TTC9C: variants seen among roughly 807,000 people sequenced by gnomAD.
TTC9C encodes the protein tetratricopeptide repeat domain 9C.
A neutral mutation model predicts 22.5 loss-of-function variants in TTC9C; 15 were observed. The observed-to-expected ratio is 0.67, with a 90% confidence interval of 0.45 to 1.03. The LOEUF (loss-of-function observed/expected upper bound fraction) is 1.03. Ranked by LOEUF, TTC9C falls within the 50% of genes least tolerant of loss-of-function variation. The probability of loss-of-function intolerance (pLI) is 0.00; values close to 1 mark genes in which losing one functional copy is unlikely to be tolerated. For synonymous variants in TTC9C, 92 were observed against 86.8 expected, an observed-to-expected ratio of 1.06 and a Z score of -0.33; for missense variants, 244 against 214.6, an observed-to-expected ratio of 1.14 and a Z score of -0.86.
chr11:62,733,070 AT>A, intron 1 of TTC9C: 2 of 1,150,776 alleles, frequency 1.7e-6, no homozygotes, highest in South Asian at 2.6e-5. Flanking sequence ...CTGATTCTTG[AT>A]CTTTCTCAGC....
At chr11:62,733,387 T>G (rs796531546) in intron 1 of TTC9C, among the ~76,000 whole-genome samples, 9 of 152,272 alleles carry the variant, frequency 5.9e-5, no homozygotes, top group African/African-American at 2.2e-4. Context: ...TAAATGAAGA[T>G]AGTAACACCT....
At position 62,728,966 on chromosome 11, in the gene TTC9C, G is replaced by C; in HGVS notation, c.118G>C (p.Gly40Arg). The change falls in exon 1 of 3, where the codon GGT becomes CGT. Residue 40 changes from glycine (G) to arginine (R), a missense_variant. Coordinates refer to ENST00000316461, the MANE Select transcript of TTC9C (RefSeq NM_173810.4). ...CCATCGAGCTCTGCTTCAGCTGCGG[G>C]GTCTGGATCCGAGTCTGCCCTCTCC... ...RYHRALLQLR[G>R]LDPSLPSPLP... 1 of 1,614,106 alleles carries C rather than the reference G, an allele frequency of 6.2e-7. No individual in the cohort carries two copies. The highest frequency in any genetic ancestry group is 8.5e-7 in the Non-Finnish European group (1 of 1,180,024).
chr11:62,736,791 A>G (rs2083918289), intron 2 of TTC9C, among the ~76,000 whole-genome samples: 1 of 148,404 alleles, frequency 6.7e-6, no homozygotes. Context: ...CAGGAGGCAG[A>G]GGTTTCGGTG....
In TTC9C at chr11:62,728,795, G is replaced by A. The variant is rs755085679; in HGVS notation, c.-54G>A. The stretch of plus-strand genomic sequence containing the variant: ...GTCAGTTATTTTGCTCCCAACCCCA[G>A]AGCTTCACTTGCTCCTTCACTTCCC... On this transcript the variant is annotated 5_prime_UTR_variant, in exon 1 of 3. Coordinates refer to ENST00000316461, the MANE Select transcript of TTC9C (RefSeq NM_173810.4). The A allele has an allele frequency of 7.6e-6, 12 of 1,583,070 alleles. No homozygotes were observed. Among genetic ancestry groups the A allele is most frequent in the Admixed American group, 1.7e-5 (1 of 59,788 alleles).
intron 1 of TTC9C, among the ~76,000 whole-genome samples, chr11:62,732,440 T>C (rs2083862139): frequency 1.3e-5 from 2 of 151,826 alleles, no homozygotes; most frequent in African/African-American, 4.8e-5. Flanking sequence ...GAAACCCATC[T>C]GCACTAAAAA....
chr11:62,731,417 C>T (rs747611608), intron 1 of TTC9C, among the ~76,000 whole-genome samples: 2 of 152,030 alleles, frequency 1.3e-5, no homozygotes, highest in Non-Finnish European at 2.9e-5. Flanking sequence ...GGAAATGTGG[C>T]GCAACCCGGT....
Position 62,735,377 on chromosome 11 carries a change from A to G in TTC9C, c.239-5A>G, listed in dbSNP as rs370622226. ...CCTCTTCTCTCTTTTCATTTGGCCCATTAGCTTGTCTCCTTCAGATGGAGC... is the reference window on the plus strand; with the variant it reads ...CCTCTTCTCTCTTTTCATTTGGCCCGTTAGCTTGTCTCCTTCAGATGGAGC... On this transcript the variant is annotated splice_region_variant and splice_polypyrimidine_tract_variant and intron_variant, in intron 1 of 2. Transcript: ENST00000316461. The G allele has an allele frequency of 1.5e-5, 25 of 1,613,472 alleles. 1 individual carries two copies. The African/African-American group carries it at 1.9e-4, about 12-fold the overall frequency.
At chr11:62,732,046 G>T (rs1431689117) in intron 1 of TTC9C, among the ~76,000 whole-genome samples, 1 of 140,548 alleles carries the variant, frequency 7.1e-6, no homozygotes, top group African/African-American at 2.7e-5. Flanking sequence ...GCCCAGGCTG[G>T]CGTCAGTGGC....
intron 1 of TTC9C, 64 bp downstream of exon 1, chr11:62,729,150 T>C (rs1038348234): frequency 3.5e-6 from 5 of 1,443,678 alleles, no homozygotes; most frequent in East Asian, 4.6e-5. Flanking sequence ...TCTGTGAACA[T>C]TGGGGGAAAA....
chr11:62,735,680 C>G (rs2083903591), intron 2 of TTC9C, 116 bp downstream of exon 2: 2 of 1,412,352 alleles, frequency 1.4e-6, no homozygotes, highest in Non-Finnish European at 9.3e-7. Context: ...GTAATACATT[C>G]ACATGGTTGA....
At chr11:62,734,912 T>G (rs1158401121) in intron 1 of TTC9C, among the ~76,000 whole-genome samples, 1 of 152,260 alleles carries the variant, frequency 6.6e-6, no homozygotes, top group African/African-American at 2.4e-5. Flanking sequence ...TTGTTTTGTT[T>G]TGAGACAAAG....
chr11:62,730,969 AC>A (rs1410088777), intron 1 of TTC9C, among the ~76,000 whole-genome samples: 4 of 151,696 alleles, frequency 2.6e-5, no homozygotes, highest in African/African-American at 7.3e-5. Context: ...GCTCACTGCA[AC>A]CTTTGCCTTC....
At chr11:62,730,895 AT>A (rs34523976) in intron 1 of TTC9C, among the ~76,000 whole-genome samples, 37,030 of 136,732 alleles carry the variant, frequency 0.27, 4,816 homozygotes, top group African/African-American at 0.35. Context: ...TTATTTATTT[AT>A]TTTTTTTTTT....
In TTC9C at chr11:62,735,573, G is replaced by T. The variant is rs1013524185; in HGVS notation, c.421+9G>T. The stretch of plus-strand genomic sequence containing the variant: ...GAATAGGCAGCCTAAAGGTAAGCAA[G>T]AAGGGCTTTGAAATGGTAAAGACAA... On this transcript the variant is annotated intron_variant, in intron 2 of 2. Transcript: ENST00000316461. 2 of 1,594,888 alleles carry T rather than the reference G, an allele frequency of 1.3e-6. No individual in the cohort carries two copies. The highest frequency in any genetic ancestry group is 1.7e-6 in the Non-Finnish European group (2 of 1,168,254).
intron 2 of TTC9C, among the ~76,000 whole-genome samples, chr11:62,737,250 A>G (rs986131462): frequency 1.3e-5 from 2 of 152,164 alleles, no homozygotes; most frequent in African/African-American, 2.4e-5. Flanking sequence ...AGGATGTGTG[A>G]ATGCCAACAA....
rs1003301464 is a variant in TTC9C, at chr11:62,728,541, T to A, written c.-308T>A. The A allele has an allele frequency of 8.8e-5, 45 of 512,922 alleles. No individual in the cohort carries two copies. Among genetic ancestry groups the A allele is most frequent in the African/African-American group, 7.7e-4 (40 of 52,090 alleles). The allele number at this position is 512,922 out of a possible 1,614,324, so 31.8% of individuals were successfully genotyped here. ...ATTCCTGAGTAGGGCCTTGCTTGAG[T>A]TCTTCGGAAAGTCTCATCCACCCCC... On this transcript the variant is annotated 5_prime_UTR_variant, in exon 1 of 3. Transcript: ENST00000316461.
chr11:62,728,903 T>C lies in TTC9C; in HGVS notation c.55T>C (p.Tyr19His). 6.2e-7 allele frequency: 1 copy of C among 1,614,184 alleles called. No individual in the cohort carries two copies. Among genetic ancestry groups the C allele is most frequent in the Non-Finnish European group, 8.5e-7 (1 of 1,180,028 alleles). The change falls in exon 1 of 3, where the codon TAC (tyrosine) becomes CAC (histidine). Residue 19 changes from tyrosine to histidine, a missense_variant. Tyr to His is a moderately conservative substitution (Grantham distance 83). Transcript: ENST00000316461. Reference protein sequence around the residue: ...QLYKEEGNQRYREGKYRDAVS... With the variant: ...QLYKEEGNQRHREGKYRDAVS... ...GTACAAGGAGGAAGGGAACCAGCGC[T>C]ACCGGGAAGGGAAGTACCGAGATGC...
chr11:62,737,775 G>C (rs1290171309), intron 2 of TTC9C, among the ~76,000 whole-genome samples: 1 of 152,170 alleles, frequency 6.6e-6, no homozygotes, highest in Non-Finnish European at 1.5e-5. Context: ...GCTCACACCT[G>C]TAATCCCAGC....
At chr11:62,728,155 C>T (rs1407009745), upstream of TTC9C, 4 of 198,544 alleles carry the variant, frequency 2.0e-5, no homozygotes, top group South Asian at 6.8e-5. Context: ...CCTCAAGATA[C>T]CAAACTGTAC....
Sources: gnomAD v4.1 joint callset for allele counts (sites outside exome capture counted in the v4.1 genomes callset) on GRCh38, gnomAD v4.1.1 for gene constraint, MANE v1.5 for transcripts, NCBI Gene and HGNC (gene_info 2026-07-23, HGNC 2026-07-21) for gene names.